KCND2: variants seen among roughly 807,000 people sequenced by gnomAD.
KCND2 encodes the protein potassium voltage-gated channel subfamily D member 2.
A neutral mutation model predicts 54.4 loss-of-function variants in KCND2; 16 were observed. That is an observed-to-expected ratio of 0.29 (90% CI 0.20 to 0.45). The LOEUF (loss-of-function observed/expected upper bound fraction) is 0.45. Ranked by LOEUF, KCND2 falls within the 20% of genes least tolerant of loss-of-function variation. KCND2 has a pLI of 1.00. For synonymous variants in KCND2, 317 were observed against 310.7 expected, an observed-to-expected ratio of 1.02 and a Z score of -0.21; for missense variants, 486 against 824.2, an observed-to-expected ratio of 0.59 and a Z score of 5.02.
At chr7:120,730,339 G>T (rs1440667419) in intron 1 of KCND2, among the ~76,000 whole-genome samples, 1 of 152,126 alleles carries the variant, frequency 6.6e-6, no homozygotes, top group Non-Finnish European at 1.5e-5. Flanking sequence ...GACATTCAAT[G>T]TGAACTGTGA....
intron 1 of KCND2, among the ~76,000 whole-genome samples, chr7:120,587,279 G>T (rs1370817850): frequency 6.6e-6 from 1 of 152,138 alleles, no homozygotes; most frequent in African/African-American, 2.4e-5. Flanking sequence ...ACCAAATCCA[G>T]CAGAGAAGTA....
intron 1 of KCND2, among the ~76,000 whole-genome samples, chr7:120,465,960 T>A (rs374487339): frequency 1.3e-5 from 2 of 152,084 alleles, no homozygotes; most frequent in African/African-American, 2.4e-5. Flanking sequence ...TTTAAAAGGG[T>A]AGATCCACTA....
At chr7:120,611,491 T>C (rs554580498) in intron 1 of KCND2, among the ~76,000 whole-genome samples, 55 of 152,120 alleles carry the variant, frequency 3.6e-4, no homozygotes, top group African/African-American at 1.3e-3. Context: ...ATGTGAGTGG[T>C]TTTTGCGATT....
chr7:120,692,729 C>T (rs563151366), intron 1 of KCND2, among the ~76,000 whole-genome samples: 1 of 152,334 alleles, frequency 6.6e-6, no homozygotes, highest in Middle Eastern at 3.4e-3. Flanking sequence ...TCGATGGGGA[C>T]TTTGAGTTCT....
intron 1 of KCND2, among the ~76,000 whole-genome samples, chr7:120,564,958 A>C (rs1186476398): frequency 6.6e-6 from 1 of 152,156 alleles, no homozygotes; most frequent in Non-Finnish European, 1.5e-5. Context: ...GAATATACCT[A>C]CTCATGTAGA....
In KCND2 at chr7:120,736,710, T is replaced by C. The variant is rs543551446; in HGVS notation, c.1278+3645T>C. On this transcript the variant is annotated intron_variant, in intron 2 of 5. Coordinates refer to ENST00000331113, the MANE Select transcript of KCND2 (RefSeq NM_012281.3). ...GAATGTCCCAGGTGTTTTATATCTGTTTTTTTTGTAATATTCACAATCAAC... is the reference window on the plus strand; with the variant it reads ...GAATGTCCCAGGTGTTTTATATCTGCTTTTTTTGTAATATTCACAATCAAC... 2.1e-5 allele frequency among the ~76,000 whole-genome samples: 3 copies of C among 141,172 alleles called. No individual in the cohort carries two copies. The East Asian group carries it at 6.0e-4, about 28-fold the overall frequency. The allele number at this position is 141,172 out of a possible 152,430, so 92.6% of individuals were successfully genotyped here.
chr7:120,303,816 G>A (rs997638581), intron 1 of KCND2, among the ~76,000 whole-genome samples: 1 of 152,098 alleles, frequency 6.6e-6, no homozygotes, highest in African/African-American at 2.4e-5. Context: ...GACAGCACAA[G>A]TGAATAACAG....
In KCND2 at chr7:120,372,011, C is replaced by T. The variant is rs1006049051; in HGVS notation, c.1115+96264C>T. ...GAGGACACTTAGGTTGATTGCATAT[C>T]CTTGCCATTTTCAATAATGCTGCCA... On this transcript the variant is annotated intron_variant, in intron 1 of 5. Coordinates refer to ENST00000331113, the MANE Select transcript of KCND2 (RefSeq NM_012281.3). Among the ~76,000 whole-genome samples the T allele has an allele frequency of 2.0e-5, 3 of 151,860 alleles. No homozygotes were observed. In the Admixed American group the frequency reaches 2.0e-4, roughly 10 times the overall value.
intron 1 of KCND2, among the ~76,000 whole-genome samples, chr7:120,383,315 G>C (rs187015694): frequency 6.6e-6 from 1 of 151,630 alleles, no homozygotes; most frequent in Non-Finnish European, 1.5e-5. Flanking sequence ...CTTTCTACCC[G>C]CATTTACTCT....
chr7:120,686,552 A>T (rs1792204274), intron 1 of KCND2, among the ~76,000 whole-genome samples: 1 of 152,164 alleles, frequency 6.6e-6, no homozygotes, highest in Non-Finnish European at 1.5e-5. Flanking sequence ...AAGTTTATTA[A>T]AAAGTATTAG....
chr7:120,739,258 A>T (rs892513449), intron 2 of KCND2, among the ~76,000 whole-genome samples: 3 of 152,036 alleles, frequency 2.0e-5, no homozygotes, highest in African/African-American at 7.2e-5. Flanking sequence ...GGGAGTCAGG[A>T]GTAGAAAGGC....
chr7:120,301,853 TATA>T (rs769334132), intron 1 of KCND2, among the ~76,000 whole-genome samples: 15 of 152,264 alleles, frequency 9.9e-5, no homozygotes, highest in Non-Finnish European at 1.9e-4. Flanking sequence ...GCATCACCCC[TATA>T]ATACCTTCCT....
chr7:120,746,077 G>A, intron 5 of KCND2, 50 bp downstream of exon 5: 1 of 1,600,630 alleles, frequency 6.2e-7, no homozygotes, highest in Non-Finnish European at 8.5e-7. Context: ...GGTTCCCAGG[G>A]TGTGTCTTCT....
intron 1 of KCND2, among the ~76,000 whole-genome samples, chr7:120,355,484 G>C (rs1250677629): frequency 6.6e-6 from 1 of 151,978 alleles, no homozygotes. Context: ...GAGGTGGGGG[G>C]GTGCAATGAG....
At chr7:120,284,560 C>G (rs980686911) in intron 1 of KCND2, among the ~76,000 whole-genome samples, 2 of 152,138 alleles carry the variant, frequency 1.3e-5, no homozygotes, top group Non-Finnish European at 2.9e-5. Context: ...ATGTGCCCTA[C>G]AGGCTATTCC....
rs1356749220 is a variant in KCND2 at position 120,273,723 on chromosome 7, GA to G, written c.-907del. On this transcript the variant is annotated 5_prime_UTR_variant, in exon 1 of 6. The change creates a premature stop within an existing upstream ORF in the 5' untranslated region. Transcript: ENST00000331113. ...TCCCTTTCCGGGTGCACGGCGAGGA[GA>G]AAGTCTCTATGCAACTAAGCCCCGG... The G allele has an allele frequency of 6.5e-6, 1 of 152,696 alleles. No individual in the cohort carries two copies. The highest frequency in any genetic ancestry group is 1.5e-5 in the Non-Finnish European group (1 of 68,120). 9.5% of individuals were successfully genotyped at this position (152,696 alleles called of 1,614,324 possible).
intron 1 of KCND2, among the ~76,000 whole-genome samples, chr7:120,690,459 C>T (rs1792254775): frequency 6.6e-6 from 1 of 152,162 alleles, no homozygotes; most frequent in Admixed American, 6.5e-5. Flanking sequence ...GAGAGGAGAA[C>T]CACGTGCTTG....
At position 120,669,452 on chromosome 7, in the gene KCND2, T is replaced by C. The variant is rs780886134; in HGVS notation, c.1116-63451T>C. Among the ~76,000 whole-genome samples, 17 of 152,006 alleles carry C rather than the reference T, an allele frequency of 1.1e-4. 1 individual carries two copies. Among genetic ancestry groups the C allele is most frequent in the Non-Finnish European group, 2.4e-4 (16 of 67,934 alleles). The stretch of plus-strand genomic sequence containing the variant: ...GAAAAAATAATGAATGGTGAAATAT[T>C]ATTGCCAACATTTTTTGACTTGGTG... On this transcript the variant is annotated intron_variant, in intron 1 of 5. Transcript: ENST00000331113.
chr7:120,301,189 T>C (rs1799581439), intron 1 of KCND2, among the ~76,000 whole-genome samples: 1 of 152,186 alleles, frequency 6.6e-6, no homozygotes, highest in African/African-American at 2.4e-5. Flanking sequence ...ACAAAAATTA[T>C]CTAATTCAAT....
Sources: allele counts gnomAD v4.1 joint callset (sites outside exome capture counted in the v4.1 genomes callset), GRCh38; gene constraint gnomAD v4.1.1; transcripts MANE v1.5; gene names NCBI Gene and HGNC (gene_info 2026-07-23, HGNC 2026-07-21).